The following ARHGAP12 variants were observed in gnomAD, a reference collection of about 807,000 sequenced individuals.
The protein encoded by ARHGAP12 is Rho GTPase activating protein 12, also known as rho GTPase-activating protein 12.
Under a neutral mutation model 108.6 loss-of-function variants are expected in ARHGAP12, and 64 were observed. That is an observed-to-expected ratio of 0.59 (90% CI 0.48 to 0.73). The LOEUF (loss-of-function observed/expected upper bound fraction) is 0.73, where lower values mean the gene tolerates loss of function less well. Among genes scored for constraint, ARHGAP12 ranks in the 30% least tolerant of loss-of-function variants. ARHGAP12 has a pLI of 0.00. For missense variants in ARHGAP12, 940 were observed against 1,005.9 expected (o/e 0.93, Z 0.89); for synonymous variants, 312 against 337.2 (o/e 0.93, Z 0.82).
At chr10:31,862,705 GACACACA>G (rs1837166103) in intron 3 of ARHGAP12, among the ~76,000 whole-genome samples, 36 of 133,096 alleles carry the variant, frequency 2.7e-4, no homozygotes, top group African/African-American at 1.0e-3. Flanking sequence ...TGCACACACA[GACACACA>G]CACACACACA....
At chr10:31,900,229 T>C (rs938833082) in intron 3 of ARHGAP12, among the ~76,000 whole-genome samples, 1 of 152,224 alleles carries the variant, frequency 6.6e-6, no homozygotes, top group African/African-American at 2.4e-5. Flanking sequence ...CTCGTGAATA[T>C]GTGGTACAAC....
chr10:31,843,292 TGTA>T (rs1836335188), intron 7 of ARHGAP12, among the ~76,000 whole-genome samples, 166 bp downstream of exon 7: 1 of 152,132 alleles, frequency 6.6e-6, no homozygotes, highest in African/African-American at 2.4e-5. Context: ...GAAACAATAA[TGTA>T]GTAACATTTC....
At chr10:31,868,882 CA>C (rs1357329819) in intron 3 of ARHGAP12, among the ~76,000 whole-genome samples, 4 of 152,048 alleles carry the variant, frequency 2.6e-5, no homozygotes, top group Non-Finnish European at 5.9e-5. Flanking sequence ...TGAGCCACTG[CA>C]CTCTAGCCTG....
Position 31,904,815 on chromosome 10 carries a change from T to C in ARHGAP12, c.684+3357A>G, listed in dbSNP as rs551386186. On this transcript the variant is annotated intron_variant, in intron 3 of 19. Coordinates refer to ENST00000344936, the MANE Select transcript of ARHGAP12 (RefSeq NM_018287.7). ...CTAATTTTTGTATTTTTTGTGGAGA[T>C]GGAGTTTCGCCATGTTTCTCAATTT... Among the ~76,000 whole-genome samples, 12 of 152,168 alleles carry C rather than the reference T, an allele frequency of 7.9e-5. No individual in the cohort carries two copies. The East Asian group carries it at 2.3e-3, about 29-fold the overall frequency.
chr10:31,921,673 A>G (rs1353919276), intron 1 of ARHGAP12, among the ~76,000 whole-genome samples: 1 of 145,180 alleles, frequency 6.9e-6, no homozygotes, highest in Admixed American at 7.1e-5. Context: ...CTGAGGCAGG[A>G]GAATGGCTTG....
chr10:31,825,770 AAGAGT>A (rs916159783), intron 11 of ARHGAP12, among the ~76,000 whole-genome samples: 4 of 152,172 alleles, frequency 2.6e-5, no homozygotes, highest in African/African-American at 7.2e-5. Flanking sequence ...CAAATAACTG[AAGAGT>A]AGAGTAATGA....
At chr10:31,919,343 G>A (rs1427414581) in intron 1 of ARHGAP12, among the ~76,000 whole-genome samples, 1 of 152,204 alleles carries the variant, frequency 6.6e-6, no homozygotes, top group Non-Finnish European at 1.5e-5. Context: ...TGATGCCACA[G>A]AACTGTGCAC....
chr10:31,880,606 T>C (rs1397674600), intron 3 of ARHGAP12, among the ~76,000 whole-genome samples: 1 of 152,218 alleles, frequency 6.6e-6, no homozygotes, highest in African/African-American at 2.4e-5. Flanking sequence ...AGCCTAATAA[T>C]ATCACTTCAT....
chr10:31,815,263 ACTCC>A (rs1835164791), intron 13 of ARHGAP12, among the ~76,000 whole-genome samples: 1 of 152,042 alleles, frequency 6.6e-6, no homozygotes, highest in Non-Finnish European at 1.5e-5. Context: ...GGAGATCTTT[ACTCC>A]ACCTGGAATT....
At chr10:31,920,932 A>G (rs1193009058) in intron 1 of ARHGAP12, among the ~76,000 whole-genome samples, 1 of 152,200 alleles carries the variant, frequency 6.6e-6, no homozygotes, top group African/African-American at 2.4e-5. Context: ...AAAAACCCCA[A>G]AATTGTTTTT....
intron 4 of ARHGAP12, among the ~76,000 whole-genome samples, chr10:31,857,202 T>A (rs778581963): frequency 6.6e-6 from 1 of 152,174 alleles, no homozygotes; most frequent in African/African-American, 2.4e-5. Flanking sequence ...ATTTTAACCA[T>A]TGGTAAATCT....
intron 7 of ARHGAP12, among the ~76,000 whole-genome samples, chr10:31,840,693 G>GT (rs1262680778): frequency 1.3e-5 from 2 of 152,036 alleles, no homozygotes; most frequent in African/African-American, 4.8e-5. Flanking sequence ...TTTGTTTTAA[G>GT]TAACACTTGC....
chr10:31,816,168 C>CGTGTGT (rs201754040), intron 13 of ARHGAP12, among the ~76,000 whole-genome samples: 13,306 of 136,252 alleles, frequency 0.098, 762 homozygotes, highest in Admixed American at 0.13. Context: ...AAGAAAGAAA[C>CGTGTGT]GTGTGTGTGT....
At chr10:31,839,409 A>C (rs1319248567) in intron 8 of ARHGAP12, 90 bp from the exon 9 acceptor site, 3 of 1,344,314 alleles carry the variant, frequency 2.2e-6, no homozygotes, top group Non-Finnish European at 3.1e-6. Flanking sequence ...TCATCACTTA[A>C]AAATATGGTA....
At chr10:31,813,943 A>G (rs1228689459) in intron 14 of ARHGAP12, among the ~76,000 whole-genome samples, 1 of 152,202 alleles carries the variant, frequency 6.6e-6, no homozygotes, top group African/African-American at 2.4e-5. Flanking sequence ...TTAAACAGTA[A>G]GTATATATTT....
At chr10:31,861,333 GT>G in intron 4 of ARHGAP12, 61 bp downstream of exon 4, 2 of 1,525,536 alleles carry the variant, frequency 1.3e-6, no homozygotes, top group Non-Finnish European at 1.8e-6. Context: ...TACTTCTTTG[GT>G]TTCTGAATAA....
chr10:31,903,279 G>A (rs1246683164), intron 3 of ARHGAP12, among the ~76,000 whole-genome samples: 1 of 152,060 alleles, frequency 6.6e-6, no homozygotes, highest in Non-Finnish European at 1.5e-5. Context: ...TAGGCAACTG[G>A]AACAAAATGG....
chr10:31,915,450 A>T (rs2132477134), intron 1 of ARHGAP12, among the ~76,000 whole-genome samples: 1 of 152,218 alleles, frequency 6.6e-6, no homozygotes, highest in African/African-American at 2.4e-5. Context: ...CCTAGGGGAG[A>T]AATACTGAGA....
At chr10:31,834,427 T>G (rs2132213110) in intron 9 of ARHGAP12, among the ~76,000 whole-genome samples, 1 of 152,288 alleles carries the variant, frequency 6.6e-6, no homozygotes, top group East Asian at 1.9e-4. Context: ...AAAGGAACCA[T>G]CTATGAACCA....
Sources: allele counts gnomAD v4.1 joint callset (sites outside exome capture counted in the v4.1 genomes callset), GRCh38; gene constraint gnomAD v4.1.1; transcripts MANE v1.5; gene names NCBI Gene and HGNC (gene_info 2026-07-23, HGNC 2026-07-21).